SLC25A42: variants seen among roughly 807,000 people sequenced by gnomAD.
SLC25A42 encodes the protein mitochondrial coenzyme A transporter SLC25A42.
In SLC25A42, 19 loss-of-function variants were observed where a neutral mutation model predicts 34.7. The observed-to-expected ratio is 0.55, with a 90% confidence interval of 0.38 to 0.80. SLC25A42 has a LOEUF of 0.80. SLC25A42 is among the 30% of genes least tolerant of loss of function. The pLI, the probability that SLC25A42 is intolerant of heterozygous loss-of-function variation, is 0.00. For synonymous variants in SLC25A42, 205 were observed against 191.2 expected, an observed-to-expected ratio of 1.07 and a Z score of -0.59; for missense variants, 364 against 441.3, an observed-to-expected ratio of 0.82 and a Z score of 1.57.
intron 1 of SLC25A42, among the ~76,000 whole-genome samples, chr19:19,082,331 T>TC (rs747496130): frequency 5.9e-5 from 9 of 152,188 alleles, no homozygotes; most frequent in African/African-American, 9.6e-5. Context: ...CGGAGGGCAC[T>TC]CACATCTCCA....
At chr19:19,069,027 TAAA>T (rs5827428) in intron 1 of SLC25A42, among the ~76,000 whole-genome samples, 10 of 142,544 alleles carry the variant, frequency 7.0e-5, no homozygotes, top group Admixed American at 1.4e-4. Context: ...TCTGTCTCTT[TAAA>T]AAAAAAAAAA....
intron 1 of SLC25A42, among the ~76,000 whole-genome samples, chr19:19,066,954 C>T (rs2059605824): frequency 1.4e-5 from 2 of 147,902 alleles, no homozygotes; most frequent in African/African-American, 5.0e-5. Context: ...GAGTTCAAGG[C>T]TGCAGTGAGC....
chr19:19,091,651 AG>A (rs2059738711), intron 1 of SLC25A42, among the ~76,000 whole-genome samples: 1 of 152,028 alleles, frequency 6.6e-6, no homozygotes, highest in African/African-American at 2.4e-5. Context: ...CTGAGGCAGG[AG>A]GACCACTTGA....
intron 1 of SLC25A42, among the ~76,000 whole-genome samples, chr19:19,073,820 T>G (rs1172431080): frequency 1.3e-5 from 2 of 152,330 alleles, no homozygotes; most frequent in East Asian, 1.9e-4. Flanking sequence ...ATGATCCATC[T>G]GCCTTGGCCT....
At chr19:19,069,636 G>A (rs892166659) in intron 1 of SLC25A42, among the ~76,000 whole-genome samples, 1 of 152,078 alleles carries the variant, frequency 6.6e-6, no homozygotes, top group Admixed American at 6.6e-5. Flanking sequence ...TCCCTGTTGT[G>A]TGTGTCTTTG....
At position 19,109,813 on chromosome 19, in the gene SLC25A42, C is replaced by T. The variant is rs188052913; in HGVS notation, c.650-756C>T. Among the ~76,000 whole-genome samples, 6 of 152,294 alleles carry T rather than the reference C, an allele frequency of 3.9e-5. No individual in the cohort carries two copies. Among genetic ancestry groups the T allele is most frequent in the Non-Finnish European group, 8.8e-5 (6 of 68,022 alleles). On this transcript the variant is annotated intron_variant, in intron 7 of 7. Coordinates refer to ENST00000318596, the MANE Select transcript of SLC25A42 (RefSeq NM_178526.5). This position sits in a 1 kb window ranked among gnomAD's most constrained non-coding sequence, Gnocchi z 4.1. ...CCTACTGACCTGTTGCTGCTCCTTCCTCCTCCACACCCACACACCCCGTTT... is the reference window on the plus strand; with the variant it reads ...CCTACTGACCTGTTGCTGCTCCTTCTTCCTCCACACCCACACACCCCGTTT...
chr19:19,079,904 T>C (rs1231807197), intron 1 of SLC25A42, among the ~76,000 whole-genome samples: 1 of 152,188 alleles, frequency 6.6e-6, no homozygotes, highest in African/African-American at 2.4e-5. Flanking sequence ...CCTTTGGTTC[T>C]GTGCCTGGAA....
intron 5 of SLC25A42, 57 bp downstream of exon 5, chr19:19,105,784 C>G: frequency 7.1e-7 from 1 of 1,407,774 alleles, no homozygotes; most frequent in Non-Finnish European, 9.5e-7. Context: ...GCCCCTCTCT[C>G]TTTCTTCTGC....
intron 6 of SLC25A42, among the ~76,000 whole-genome samples, chr19:19,107,162 G>A (rs2059835475): frequency 6.6e-6 from 1 of 151,034 alleles, no homozygotes; most frequent in Admixed American, 6.6e-5. Flanking sequence ...TACAAAAACT[G>A]AAATATTAGC....
chr19:19,100,365 T>C (rs2059789056), intron 2 of SLC25A42, among the ~76,000 whole-genome samples: 1 of 151,838 alleles, frequency 6.6e-6, no homozygotes, highest in African/African-American at 2.4e-5. Context: ...AAATAACCCA[T>C]TTATTTGGGC....
chr19:19,078,057 G>A (rs1050798580), intron 1 of SLC25A42, among the ~76,000 whole-genome samples: 5 of 152,158 alleles, frequency 3.3e-5, no homozygotes, highest in African/African-American at 1.2e-4. Flanking sequence ...TCCTATGGGT[G>A]GTCTTTGGGG....
chr19:19,070,479 G>T (rs1227869992), intron 1 of SLC25A42, among the ~76,000 whole-genome samples: 1 of 151,672 alleles, frequency 6.6e-6, no homozygotes, highest in African/African-American at 2.4e-5. Flanking sequence ...TGTATTTTCA[G>T]TAGAGACACG....
chr19:19,093,210 C>T (rs566129360), intron 1 of SLC25A42, among the ~76,000 whole-genome samples: 2 of 152,216 alleles, frequency 1.3e-5, no homozygotes, highest in South Asian at 4.1e-4. Flanking sequence ...GAGACGGGGT[C>T]TCACTATGTT....
At chr19:19,065,526 G>T (rs1041455440) in intron 1 of SLC25A42, among the ~76,000 whole-genome samples, 1 of 152,130 alleles carries the variant, frequency 6.6e-6, no homozygotes, top group Admixed American at 6.5e-5. Flanking sequence ...AAGCAATAAC[G>T]TGCCATTTCC....
chr19:19,096,353 T>A, intron 2 of SLC25A42, 148 bp downstream of exon 2: 1 of 630,822 alleles, frequency 1.6e-6, no homozygotes, highest in East Asian at 2.8e-5. Flanking sequence ...ATGCAGCCCA[T>A]CACAAATCAC....
chr19:19,074,562 A>G (rs897278647), intron 1 of SLC25A42, among the ~76,000 whole-genome samples: 2 of 152,148 alleles, frequency 1.3e-5, no homozygotes, highest in African/African-American at 2.4e-5. Context: ...TGGAGCTGGC[A>G]GTTGTATGGT....
chr19:19,082,545 A>G (rs2059686658), intron 1 of SLC25A42, among the ~76,000 whole-genome samples: 1 of 151,328 alleles, frequency 6.6e-6, no homozygotes, highest in Non-Finnish European at 1.5e-5. Flanking sequence ...GTATTTTTTG[A>G]AAGAGACAGG....
chr19:19,079,634 A>G (rs1459375580), intron 1 of SLC25A42, among the ~76,000 whole-genome samples: 2 of 152,128 alleles, frequency 1.3e-5, no homozygotes, highest in African/African-American at 4.8e-5. Context: ...TCATGCGAAC[A>G]TTTTGTATAT....
At chr19:19,082,629 C>G (rs1175581953) in intron 1 of SLC25A42, among the ~76,000 whole-genome samples, 1 of 151,924 alleles carries the variant, frequency 6.6e-6, no homozygotes, top group African/African-American at 2.4e-5. Context: ...TCCCAAAGGG[C>G]TGGAATTACA....
Sources: allele counts gnomAD v4.1 joint callset (sites outside exome capture counted in the v4.1 genomes callset), GRCh38; gene constraint gnomAD v4.1.1; non-coding constraint Gnocchi (gnomAD v3.1); transcripts MANE v1.5; gene names NCBI Gene and HGNC (gene_info 2026-07-23, HGNC 2026-07-21).